Variants in NT5DC1 observed in about 807,000 individuals in gnomAD.
The protein encoded by NT5DC1 is 5'-nucleotidase domain-containing protein 1.
NT5DC1 carries 42 observed loss-of-function variants against 59.4 expected under a neutral mutation model. The observed-to-expected ratio is 0.71, with a 90% CI of 0.55 to 0.92. The LOEUF is 0.92. NT5DC1 is among the 40% of genes least tolerant of loss of function. The pLI, the probability that NT5DC1 is intolerant of heterozygous loss-of-function variation, is 0.00. For missense variants in NT5DC1, 501 were observed against 537.1 expected (o/e 0.93, Z 0.66); for synonymous variants, 172 against 188.1 (o/e 0.91, Z 0.70).
At chr6:116,101,096 T>C in intron 1 of NT5DC1, 73 bp downstream of exon 1, 1 of 1,139,900 alleles carries the variant, frequency 8.8e-7, no homozygotes, top group Non-Finnish European at 1.2e-6. Flanking sequence ...TCCTCCAGGT[T>C]TGGGCAACGG....
chr6:116,116,040 G>A (rs1306306274), intron 5 of NT5DC1, among the ~76,000 whole-genome samples: 3 of 151,942 alleles, frequency 2.0e-5, no homozygotes, highest in Non-Finnish European at 4.4e-5. Context: ...ACAGAACTTG[G>A]ATCTGGACAA....
chr6:116,145,428 T>C (rs1383681367), intron 6 of NT5DC1: 3 of 366,526 alleles, frequency 8.2e-6, no homozygotes, highest in Non-Finnish European at 1.8e-5. Flanking sequence ...TGTTCTTTAT[T>C]ATCTCTTAGT....
intron 6 of NT5DC1, among the ~76,000 whole-genome samples, chr6:116,163,142 AT>A (rs1284292957): frequency 7.4e-4 from 33 of 44,582 alleles, no homozygotes; most frequent in African/African-American, 4.1e-3. Context: ...AAAAAAAAAA[AT>A]ATATATATAT....
At chr6:116,103,164 G>A (rs1778698930) in intron 1 of NT5DC1, among the ~76,000 whole-genome samples, 1 of 152,118 alleles carries the variant, frequency 6.6e-6, no homozygotes, top group Non-Finnish European at 1.5e-5. Flanking sequence ...TCTGTGTGCC[G>A]AGCTTAGTGC....
At chr6:116,198,372 A>C (rs1227047131) in intron 6 of NT5DC1, among the ~76,000 whole-genome samples, 1 of 152,062 alleles carries the variant, frequency 6.6e-6, no homozygotes, top group Non-Finnish European at 1.5e-5. Context: ...AACTGTGCTC[A>C]TGCCCTGCTT....
At position 116,156,398 on chromosome 6, in the gene NT5DC1, T is replaced by C. The variant is rs1276697927; in HGVS notation, c.529+38453T>C. Among the ~76,000 whole-genome samples the C allele has an allele frequency of 3.3e-5, 5 of 152,216 alleles. No homozygotes were observed. The East Asian group carries it at 9.6e-4, about 29-fold the overall frequency. ...CTGGTTTAATACTATGTAGGCACTTTGAGGTTGAAAAAAATGTGTTCCATT... is the reference window on the plus strand; with the variant it reads ...CTGGTTTAATACTATGTAGGCACTTCGAGGTTGAAAAAAATGTGTTCCATT... On this transcript the variant is annotated intron_variant, in intron 6 of 11. Coordinates refer to ENST00000319550, the MANE Select transcript of NT5DC1 (RefSeq NM_152729.3).
intron 6 of NT5DC1, among the ~76,000 whole-genome samples, chr6:116,199,683 A>G (rs1001463164): frequency 3.3e-5 from 5 of 152,050 alleles, no homozygotes; most frequent in African/African-American, 4.8e-5. Context: ...AAAAATTACA[A>G]TGATGGAGGT....
chr6:116,166,217 G>A (rs1780461061), intron 6 of NT5DC1, among the ~76,000 whole-genome samples: 1 of 152,070 alleles, frequency 6.6e-6, no homozygotes. Context: ...TCAACCAGTG[G>A]GGTCTCCAAC....
intron 6 of NT5DC1, among the ~76,000 whole-genome samples, chr6:116,213,678 T>G (rs1260457847): frequency 8.2e-6 from 1 of 122,626 alleles, no homozygotes; most frequent in African/African-American, 3.1e-5. Flanking sequence ...GTAGATCACA[T>G]GTAGGAGAAC....
chr6:116,210,349 G>A (rs1198489793), intron 6 of NT5DC1, among the ~76,000 whole-genome samples: 1 of 150,310 alleles, frequency 6.7e-6, no homozygotes, highest in Non-Finnish European at 1.5e-5. Context: ...CCCCTGAAAT[G>A]TAATAATGTA....
At chr6:116,231,375 C>T (rs913418608) in intron 8 of NT5DC1, among the ~76,000 whole-genome samples, 2 of 152,042 alleles carry the variant, frequency 1.3e-5, no homozygotes, top group East Asian at 3.8e-4. Flanking sequence ...TAAATATGAA[C>T]TGTTTGGTCA....
chr6:116,162,313 G>T (rs1024367884), intron 6 of NT5DC1, among the ~76,000 whole-genome samples: 2 of 152,140 alleles, frequency 1.3e-5, no homozygotes, highest in African/African-American at 4.8e-5. Context: ...CCATTACTAT[G>T]TTGAATAGGA....
chr6:116,228,908 T>C (rs1239741528), intron 8 of NT5DC1, among the ~76,000 whole-genome samples: 1 of 152,164 alleles, frequency 6.6e-6, no homozygotes, highest in Non-Finnish European at 1.5e-5. Flanking sequence ...TTCAGCTCTC[T>C]ACCACTGGGA....
chr6:116,152,409 A>G (rs1194532604), intron 6 of NT5DC1, among the ~76,000 whole-genome samples: 1 of 151,658 alleles, frequency 6.6e-6, no homozygotes, highest in African/African-American at 2.4e-5. Context: ...CAAAAATAAG[A>G]AAAAAAAATT....
intron 6 of NT5DC1, among the ~76,000 whole-genome samples, chr6:116,126,673 A>G (rs969856310): frequency 6.6e-6 from 1 of 152,098 alleles, no homozygotes; most frequent in African/African-American, 2.4e-5. Context: ...CTTATTCACA[A>G]CACTACGCTA....
At chr6:116,221,385 G>T (rs537341284) in intron 7 of NT5DC1, among the ~76,000 whole-genome samples, 157 bp downstream of exon 7, 2 of 152,198 alleles carry the variant, frequency 1.3e-5, no homozygotes, top group African/African-American at 2.4e-5. Flanking sequence ...CTCAATCTCT[G>T]CTGACAGCAG....
intron 6 of NT5DC1, among the ~76,000 whole-genome samples, chr6:116,132,010 GT>G (rs1360910013): frequency 2.0e-5 from 3 of 152,110 alleles, no homozygotes; most frequent in African/African-American, 7.2e-5. Flanking sequence ...TTATCTTATT[GT>G]TTTTTATGGC....
intron 6 of NT5DC1, among the ~76,000 whole-genome samples, chr6:116,166,800 A>T (rs1258754469): frequency 6.6e-6 from 1 of 152,220 alleles, no homozygotes; most frequent in Admixed American, 6.5e-5. Flanking sequence ...TGGTTCCCTG[A>T]TGTAAACTTC....
intron 6 of NT5DC1, among the ~76,000 whole-genome samples, chr6:116,192,239 G>A (rs1781136691): frequency 6.6e-6 from 1 of 151,922 alleles, no homozygotes; most frequent in South Asian, 2.1e-4. Context: ...GGGATAAGTT[G>A]TATTATGAGT....
Sources: gnomAD v4.1 joint callset for allele counts (sites outside exome capture counted in the v4.1 genomes callset) on GRCh38, gnomAD v4.1.1 for gene constraint, MANE v1.5 for transcripts, NCBI Gene and HGNC (gene_info 2026-07-23, HGNC 2026-07-21) for gene names.